ROBO2: variants seen among roughly 807,000 people sequenced by gnomAD.
ROBO2 encodes the protein roundabout homolog 2.
A neutral mutation model predicts 160.8 loss-of-function variants in ROBO2; 53 were observed. The ratio of observed to expected loss-of-function variants is 0.33; its 90% CI spans 0.26 to 0.41. The LOEUF (loss-of-function observed/expected upper bound fraction) is 0.41, where lower values mean the gene tolerates loss of function less well. ROBO2 is among the 10% of genes least tolerant of loss of function. The pLI is 1.00. For missense variants in ROBO2, 1,577 were observed against 1,722.4 expected, an observed-to-expected ratio of 0.92 and a Z score of 1.49; for synonymous variants, 664 against 611.7, an observed-to-expected ratio of 1.09 and a Z score of -1.26.
intron 2 of ROBO2, among the ~76,000 whole-genome samples, chr3:75,985,313 T>C (rs976562521): frequency 6.6e-6 from 1 of 151,536 alleles, no homozygotes; most frequent in South Asian, 2.1e-4. Flanking sequence ...AAATTTATTA[T>C]CTTAATTATT....
In ROBO2 at chr3:77,579,979, T is replaced by C. The variant is rs1160437097; in HGVS notation, c.2361T>C (p.His787=). Reference sequence around the variant, plus strand: ...GTCTAGGAAATGAAACGCGATTCCATATCAACAAAACTGTGGATGCAGCCA... The same window carrying C: ...GTCTAGGAAATGAAACGCGATTCCACATCAACAAAACTGTGGATGCAGCCA... Residue 787 remains histidine (H), a synonymous_variant, in exon 16 of 26, where the codon CAT becomes CAC. Transcript: ENST00000461745. 2.5e-6 allele frequency: 4 copies of C among 1,613,820 alleles called. No individual in the cohort carries two copies. The South Asian group carries it at 4.4e-5, about 18-fold the overall frequency.
intron 16 of ROBO2, among the ~76,000 whole-genome samples, chr3:77,585,623 A>G (rs986043555): frequency 6.6e-6 from 1 of 151,122 alleles, no homozygotes; most frequent in African/African-American, 2.4e-5. Context: ...TTTTTTGTGT[A>G]CACACACACA....
At chr3:77,188,968 TGAGAGA>T (rs1553828869) in intron 2 of ROBO2, among the ~76,000 whole-genome samples, 7 of 142,198 alleles carry the variant, frequency 4.9e-5, no homozygotes, top group Admixed American at 1.4e-4. Flanking sequence ...TGTGTGTGTG[TGAGAGA>T]GAGAGAGAGA....
chr3:77,262,028 A>ATAGTGGCT (rs1411016877), intron 2 of ROBO2, among the ~76,000 whole-genome samples: 1 of 152,170 alleles, frequency 6.6e-6, no homozygotes, highest in Non-Finnish European at 1.5e-5. Context: ...TCTCTGAAAA[A>ATAGTGGCT]TAGTGGCTTC....
chr3:76,670,298 G>T (rs553245781), intron 2 of ROBO2, among the ~76,000 whole-genome samples: 1 of 148,860 alleles, frequency 6.7e-6, no homozygotes, highest in African/African-American at 2.5e-5. Context: ...ATTTAAGAAA[G>T]AATGACATAA....
rs182219430 is a variant in ROBO2 at position 77,533,848 on chromosome 3, G to C, written c.934+10946G>C. The stretch of plus-strand genomic sequence containing the variant: ...GTATTTCCAGGAAGGGCAAGCCTGA[G>C]GTCATGGGGCCTCAGAATGCTGCCA... On this transcript the variant is annotated intron_variant, in intron 6 of 25. Transcript: ENST00000461745. 2.0e-3 allele frequency among the ~76,000 whole-genome samples: 307 copies of C among 151,516 alleles called. 2 individuals are homozygous for C. The highest frequency in any genetic ancestry group is 6.1e-3 in the African/African-American group (254 of 41,348).
chr3:77,238,376 T>A (rs930546722), intron 2 of ROBO2, among the ~76,000 whole-genome samples: 2 of 152,180 alleles, frequency 1.3e-5, no homozygotes, highest in African/African-American at 4.8e-5. Context: ...TACATTTAGG[T>A]CTGTAATTAA....
intron 2 of ROBO2, among the ~76,000 whole-genome samples, chr3:76,009,894 T>C (rs1215100141): frequency 6.6e-6 from 1 of 152,252 alleles, no homozygotes; most frequent in Non-Finnish European, 1.5e-5. Flanking sequence ...GAGTTATTTG[T>C]TGAAAATTGG....
At chr3:76,568,529 A>G (rs1183230292) in intron 2 of ROBO2, among the ~76,000 whole-genome samples, 1 of 149,970 alleles carries the variant, frequency 6.7e-6, no homozygotes, top group Admixed American at 6.7e-5. Context: ...GATGGTCTCG[A>G]TCTCCTGACC....
chr3:77,180,937 G>A (rs930936669), intron 2 of ROBO2, among the ~76,000 whole-genome samples: 12 of 151,928 alleles, frequency 7.9e-5, no homozygotes, highest in African/African-American at 2.7e-4. Context: ...TTTTGAAAAA[G>A]AGTTACTTCT....
intron 2 of ROBO2, among the ~76,000 whole-genome samples, chr3:77,476,134 G>A (rs994489055): frequency 3.3e-5 from 5 of 152,156 alleles, no homozygotes; most frequent in African/African-American, 1.2e-4. Context: ...TCACTGAGTT[G>A]ACTCTCTGGA....
intron 2 of ROBO2, among the ~76,000 whole-genome samples, chr3:76,046,563 G>T (rs2067458522): frequency 6.6e-6 from 1 of 151,928 alleles, no homozygotes; most frequent in Admixed American, 6.5e-5. Flanking sequence ...CAGGAGAATG[G>T]CGTGAACCCG....
chr3:77,179,228 G>C (rs956995158), intron 2 of ROBO2, among the ~76,000 whole-genome samples: 2 of 150,698 alleles, frequency 1.3e-5, no homozygotes, highest in South Asian at 2.1e-4. Flanking sequence ...TTAATAATAG[G>C]CTTCAAAACT....
chr3:77,445,196 A>T (rs1052773774), intron 2 of ROBO2, among the ~76,000 whole-genome samples: 4 of 152,190 alleles, frequency 2.6e-5, no homozygotes, highest in Admixed American at 2.0e-4. Flanking sequence ...GGCCCACAGC[A>T]TCATTAGCCA....
At chr3:77,585,838 C>T (rs1452316301) in intron 16 of ROBO2, among the ~76,000 whole-genome samples, 1 of 152,068 alleles carries the variant, frequency 6.6e-6, no homozygotes, top group Non-Finnish European at 1.5e-5. Flanking sequence ...ATCTTCTTTT[C>T]TGTTTCAATT....
At chr3:76,340,468 G>A (rs2074157089) in intron 2 of ROBO2, among the ~76,000 whole-genome samples, 2 of 152,100 alleles carry the variant, frequency 1.3e-5, no homozygotes, top group South Asian at 2.1e-4. Flanking sequence ...AATAATATGA[G>A]TATAAAAATA....
intron 2 of ROBO2, among the ~76,000 whole-genome samples, chr3:76,704,613 C>T (rs566572051): frequency 8.5e-5 from 13 of 152,216 alleles, no homozygotes; most frequent in African/African-American, 3.1e-4. Flanking sequence ...CCTTTACTTC[C>T]TTTCCATGCT....
intron 2 of ROBO2, among the ~76,000 whole-genome samples, chr3:76,150,879 A>G (rs2106844355): frequency 6.6e-6 from 1 of 152,310 alleles, no homozygotes; most frequent in Middle Eastern, 3.4e-3. Flanking sequence ...CTTGTGATAG[A>G]TGACCAAAAA....
At chr3:77,459,733 G>A (rs990635437) in intron 2 of ROBO2, among the ~76,000 whole-genome samples, 3 of 152,012 alleles carry the variant, frequency 2.0e-5, no homozygotes, top group Non-Finnish European at 4.4e-5. Flanking sequence ...GGAAGTCATG[G>A]GGAGAATAAC....
Sources: gnomAD v4.1 joint callset for allele counts (sites outside exome capture counted in the v4.1 genomes callset) on GRCh38, gnomAD v4.1.1 for gene constraint, MANE v1.5 for transcripts, NCBI Gene and HGNC (gene_info 2026-07-23, HGNC 2026-07-21) for gene names.